PLCL1: variants seen among roughly 807,000 people sequenced by gnomAD.
PLCL1 encodes the protein phospholipase C like 1 (inactive).
Under a neutral mutation model 84.4 loss-of-function variants are expected in PLCL1, and 41 were observed. The ratio of observed to expected loss-of-function variants is 0.49; its 90% CI spans 0.38 to 0.63. The LOEUF (loss-of-function observed/expected upper bound fraction) is 0.63, where lower values mean the gene tolerates loss of function less well. PLCL1 is among the 30% of genes least tolerant of loss of function. The probability of loss-of-function intolerance (pLI) is 0.00; values close to 1 mark genes in which losing one functional copy is unlikely to be tolerated. For missense variants in PLCL1, 1,206 were observed against 1,367.8 expected, an observed-to-expected ratio of 0.88 and a Z score of 1.87; for synonymous variants, 490 against 488.3, an observed-to-expected ratio of 1.00 and a Z score of -0.05.
chr2:197,826,905 G>A (rs762003850), intron 1 of PLCL1, among the ~76,000 whole-genome samples: 27 of 152,072 alleles, frequency 1.8e-4, no homozygotes, highest in Non-Finnish European at 3.2e-4. Context: ...CTCATGAATA[G>A]CACCACTATC....
In PLCL1 at chr2:198,084,470, T is replaced by C. The variant is rs574472301; in HGVS notation, c.953T>C (p.Phe318Ser). 1 of 1,614,042 alleles carries C rather than the reference T, an allele frequency of 6.2e-7. No individual in the cohort carries two copies. The highest frequency in any genetic ancestry group is 1.3e-5 in the African/African-American group (1 of 75,054). ...CELCTRPEVY[F>S]LLVQISKNKE... is the part of the protein sequence containing the mutation. Reference sequence around the variant, plus strand: ...CTTTGCACCAGGCCAGAAGTGTATTTCTTACTTGTACAGATATCTAAAAAC... The same window carrying C: ...CTTTGCACCAGGCCAGAAGTGTATTCCTTACTTGTACAGATATCTAAAAAC... The change falls in exon 2 of 6, where the codon TTC becomes TCC. Residue 318 changes from phenylalanine (F) to serine (S), a missense_variant. Physicochemically the swap from Phe to Ser is radical, Grantham distance 155. Coordinates refer to ENST00000428675, the MANE Select transcript of PLCL1 (RefSeq NM_006226.4).
At chr2:198,142,258 T>A (rs1397970685) in intron 5 of PLCL1, among the ~76,000 whole-genome samples, 1 of 152,150 alleles carries the variant, frequency 6.6e-6, no homozygotes, top group African/African-American at 2.4e-5. Context: ...CCCTATTTTA[T>A]GGTTAGGATA....
intron 1 of PLCL1, among the ~76,000 whole-genome samples, chr2:197,850,849 G>T (rs1397791631): frequency 6.6e-6 from 1 of 152,150 alleles, no homozygotes; most frequent in Non-Finnish European, 1.5e-5. Flanking sequence ...GGGAAATGAG[G>T]CTACCATAAA....
chr2:197,888,332 T>G (rs1296847188), intron 1 of PLCL1, among the ~76,000 whole-genome samples: 2 of 152,198 alleles, frequency 1.3e-5, no homozygotes, highest in Non-Finnish European at 2.9e-5. Context: ...GTTTCAAATA[T>G]TTGTTCCCAG....
At chr2:198,049,372 A>G (rs1026342797) in intron 1 of PLCL1, among the ~76,000 whole-genome samples, 1 of 152,144 alleles carries the variant, frequency 6.6e-6, no homozygotes, top group African/African-American at 2.4e-5. Flanking sequence ...AATAAATAAA[A>G]TTGCCTCCTG....
intron 1 of PLCL1, among the ~76,000 whole-genome samples, chr2:198,014,058 G>T (rs1264366331): frequency 2.0e-5 from 3 of 152,030 alleles, no homozygotes; most frequent in African/African-American, 7.2e-5. Flanking sequence ...AATGTGAATG[G>T]ATCATCATTT....
chr2:198,130,855 A>G (rs1178760662), intron 5 of PLCL1, among the ~76,000 whole-genome samples: 1 of 151,960 alleles, frequency 6.6e-6, no homozygotes, highest in East Asian at 1.9e-4. Flanking sequence ...GTGAAAAGTC[A>G]TTTCTCCTCT....
chr2:197,922,260 T>G (rs1369493158), intron 1 of PLCL1, among the ~76,000 whole-genome samples: 1 of 91,684 alleles, frequency 1.1e-5, no homozygotes, highest in Admixed American at 1.3e-4. Flanking sequence ...AAAGCACATC[T>G]TGCACCGCCC....
intron 1 of PLCL1, among the ~76,000 whole-genome samples, chr2:198,000,739 C>CA (rs574871031): frequency 6.9e-6 from 1 of 145,320 alleles, no homozygotes; most frequent in Non-Finnish European, 1.5e-5. Flanking sequence ...CTTTATTTCC[C>CA]TTTTTTTTTT....
chr2:198,084,755 A>G lies in PLCL1; in HGVS notation c.1238A>G (p.His413Arg). 1.2e-6 allele frequency: 2 copies of G among 1,614,160 alleles called. No individual in the cohort carries two copies. Among genetic ancestry groups the G allele is most frequent in the Non-Finnish European group, 1.7e-6 (2 of 1,180,006 alleles). Reference sequence around the variant, plus strand: ...TCTCACTACTATATCAATGCCTCTCATAACACCTATCTAATAGAAGACCAG... The same window carrying G: ...TCTCACTACTATATCAATGCCTCTCGTAACACCTATCTAATAGAAGACCAG... ...PLSHYYINAS[H>R]NTYLIEDQFR... Residue 413 changes from histidine (H) to arginine (R), a missense_variant, in exon 2 of 6, where the codon CAT becomes CGT. Physicochemically the swap from His to Arg is conservative, Grantham distance 29. Transcript: ENST00000428675.
intron 1 of PLCL1, among the ~76,000 whole-genome samples, chr2:197,884,637 C>G (rs919633577): frequency 2.0e-5 from 3 of 152,332 alleles, no homozygotes; most frequent in South Asian, 2.1e-4. Context: ...AGATAGCTCA[C>G]TCTGAAAATT....
intron 1 of PLCL1, among the ~76,000 whole-genome samples, chr2:198,046,017 A>G (rs1178507632): frequency 6.6e-6 from 1 of 152,180 alleles, no homozygotes; most frequent in Non-Finnish European, 1.5e-5. Context: ...GGGGGGTGGT[A>G]GTATTTGTCC....
At chr2:197,984,867 C>G (rs1441694450) in intron 1 of PLCL1, among the ~76,000 whole-genome samples, 1 of 151,762 alleles carries the variant, frequency 6.6e-6, no homozygotes, top group African/African-American at 2.4e-5. Flanking sequence ...GAATTTAGCC[C>G]TATTCATCCT....
At chr2:198,062,573 C>T (rs182511097) in intron 1 of PLCL1, among the ~76,000 whole-genome samples, 231 of 152,218 alleles carry the variant, frequency 1.5e-3, no homozygotes, top group Non-Finnish European at 5.6e-4. Context: ...TGAAAAAACA[C>T]GGTTTCAGTA....
At chr2:197,873,038 A>G (rs892033184) in intron 1 of PLCL1, among the ~76,000 whole-genome samples, 4 of 152,166 alleles carry the variant, frequency 2.6e-5, no homozygotes, top group African/African-American at 9.6e-5. Flanking sequence ...GTCAGCGTTA[A>G]CAAGGGTCTA....
intron 1 of PLCL1, among the ~76,000 whole-genome samples, chr2:197,807,049 A>C (rs1054504812): frequency 1.1e-4 from 16 of 152,218 alleles, no homozygotes; most frequent in African/African-American, 3.4e-4. Flanking sequence ...TCCCCTATTT[A>C]ATAGTAAATG....
chr2:197,894,654 A>G (rs1220983802), intron 1 of PLCL1, among the ~76,000 whole-genome samples: 1 of 152,044 alleles, frequency 6.6e-6, no homozygotes. Flanking sequence ...GTGTAGGATC[A>G]GCAAGCCTTG....
intron 1 of PLCL1, among the ~76,000 whole-genome samples, chr2:198,047,104 T>C (rs1691822649): frequency 6.6e-6 from 1 of 151,836 alleles, no homozygotes; most frequent in African/African-American, 2.4e-5. Context: ...AATTGTGGGG[T>C]CAGAAAGGAT....
chr2:198,079,963 CTT>C (rs1209597113), intron 1 of PLCL1, among the ~76,000 whole-genome samples: 1 of 152,184 alleles, frequency 6.6e-6, no homozygotes, highest in African/African-American at 2.4e-5. Context: ...CAAAGAGAGA[CTT>C]TGGTTGTGGG....
Sources: allele counts gnomAD v4.1 joint callset (sites outside exome capture counted in the v4.1 genomes callset), GRCh38; gene constraint gnomAD v4.1.1; transcripts MANE v1.5; gene names NCBI Gene and HGNC (gene_info 2026-07-23, HGNC 2026-07-21).